Variants in DYNC2I1 observed in about 807,000 individuals in gnomAD.
DYNC2I1 encodes dynein 2 intermediate chain 1, also known as cytoplasmic dynein 2 intermediate chain 1.
In DYNC2I1, 89 loss-of-function variants were observed where a neutral mutation model predicts 133.4. The ratio of observed to expected loss-of-function variants is 0.67; its 90% CI spans 0.56 to 0.80. DYNC2I1 has a LOEUF of 0.80. Among genes scored for constraint, DYNC2I1 ranks in the 30% least tolerant of loss-of-function variants. The pLI is 0.00. For synonymous variants in DYNC2I1, 504 were observed against 484.3 expected (o/e 1.04, Z -0.54); for missense variants, 1,291 against 1,314.5 (o/e 0.98, Z 0.28).
chr7:158,876,563 T>C, intron 3 of DYNC2I1, 46 bp from the exon 4 acceptor site: 2 of 1,513,164 alleles, frequency 1.3e-6, no homozygotes, highest in East Asian at 2.5e-5. Context: ...AGTTTTTTGA[T>C]GTGCTAACAT....
At chr7:158,928,898 G>T (rs118046030) in intron 20 of DYNC2I1, among the ~76,000 whole-genome samples, 1 of 152,238 alleles carries the variant, frequency 6.6e-6, no homozygotes, top group East Asian at 1.9e-4. Flanking sequence ...CATGATCAAG[G>T]TATTTGTCAA....
At chr7:158,876,780 A>C (rs1166964981) in intron 4 of DYNC2I1, 89 bp downstream of exon 4, 1 of 1,445,442 alleles carries the variant, frequency 6.9e-7, no homozygotes, top group African/African-American at 1.5e-5. Context: ...ATTTTTAGAA[A>C]ATGTCCTAAG....
At chr7:158,855,502 T>A (rs1841169451), upstream of DYNC2I1, among the ~76,000 whole-genome samples, 1 of 152,224 alleles carries the variant, frequency 6.6e-6, no homozygotes, top group African/African-American at 2.4e-5. Flanking sequence ...TAATTTCTAA[T>A]CTTGTGGCTA....
In DYNC2I1 at chr7:158,945,488, C is replaced by G; in HGVS notation, c.3003-93C>G. The G allele has an allele frequency of 3.8e-6, 5 of 1,332,622 alleles. No homozygotes were observed. The South Asian group carries it at 5.7e-5, about 15-fold the overall frequency. The allele number at this position is 1,332,622 out of a possible 1,614,324, so 82.5% of individuals were successfully genotyped here. The stretch of plus-strand genomic sequence containing the variant: ...TTTAGAATTTCTCATCCGTTTCACT[C>G]TTCCCATGGAAGGTAGACATTTTGA... On this transcript the variant is annotated intron_variant, in intron 24 of 24. Transcript: ENST00000407559. This position sits in a 1 kb window ranked among gnomAD's most constrained non-coding sequence, Gnocchi z 4.1.
intron 23 of DYNC2I1, among the ~76,000 whole-genome samples, chr7:158,941,148 A>G (rs1248341606): frequency 6.6e-6 from 1 of 152,232 alleles, no homozygotes; most frequent in East Asian, 1.9e-4. Context: ...AGATACAACA[A>G]CTGAGCCCTC....
At chr7:158,952,444 A>G (rs920544489) in intron 4 of DYNC2I1, among the ~76,000 whole-genome samples, 1 of 152,196 alleles carries the variant, frequency 6.6e-6, no homozygotes, top group African/African-American at 2.4e-5. Flanking sequence ...GGGTTAGAGA[A>G]GGCCTCTTCC....
At chr7:158,841,165 AT>A in the DYNC2I1 span, among the ~76,000 whole-genome samples, 1 of 554 alleles carries the variant, frequency 1.8e-3, no homozygotes, top group Non-Finnish European at 4.3e-3. Flanking sequence ...GCAAATATAT[AT>A]ATATATATAT....
intron 20 of DYNC2I1, among the ~76,000 whole-genome samples, chr7:158,929,173 G>A (rs1216321494): frequency 1.3e-5 from 2 of 152,216 alleles, no homozygotes; most frequent in Non-Finnish European, 2.9e-5. Context: ...CGACCAGCCC[G>A]TTGTTCAGGG....
intron 1 of DYNC2I1, among the ~76,000 whole-genome samples, chr7:158,868,489 ACAT>A (rs1842606668): frequency 6.6e-6 from 1 of 152,224 alleles, no homozygotes; most frequent in Non-Finnish European, 1.5e-5. Flanking sequence ...GAAACAACAA[ACAT>A]CAGAGGAGCT....
At position 158,954,965 on chromosome 7, in the gene DYNC2I1, T is replaced by A. The variant is rs1212862949; in HGVS notation, c.*57-1618T>A. ...CTACTGTTAGTGTCTTTAGACAACC[T>A]TCTCCTCCCTCCAGAGAAAGTGCCC... is the stretch of plus-strand genomic sequence containing the variant. On this transcript the variant is annotated intron_variant and NMD_transcript_variant, in intron 4 of 4. Coordinates refer to the DYNC2I1 transcript ENST00000454771. Among the ~76,000 whole-genome samples, 3 of 140,200 alleles carry A rather than the reference T, an allele frequency of 2.1e-5. No individual in the cohort carries two copies. In the East Asian group the frequency reaches 7.3e-4, roughly 34 times the overall value. 92.0% of individuals were successfully genotyped at this position (140,200 alleles called of 152,430 possible).
chr7:158,942,270 G>A, intron 24 of DYNC2I1, 122 bp downstream of exon 24: 4 of 705,088 alleles, frequency 5.7e-6, no homozygotes, highest in Non-Finnish European at 8.9e-6. Flanking sequence ...GTGGCCATAT[G>A]TAAATTTAAA....
At position 158,856,641 on chromosome 7, in the gene DYNC2I1, C is replaced by T. The variant is rs1440989601; in HGVS notation, c.-95C>T. 11 of 1,197,952 alleles carry T rather than the reference C, an allele frequency of 9.2e-6. No homozygotes were observed. The highest frequency in any genetic ancestry group is 1.0e-5 in the Non-Finnish European group (10 of 956,868). The allele number at this position is 1,197,952 out of a possible 1,614,324, so 74.2% of individuals were successfully genotyped here. A position where few individuals can be genotyped will look rare whatever the true frequency, so the allele number is the denominator to read the frequency against. ...TCGGTTGCTAGGCGCTGGGACGCGC[C>T]TCCCGAAGGGTGCGGGGCACAGGTG... On this transcript the variant is annotated 5_prime_UTR_variant, in exon 1 of 25. Transcript: ENST00000407559.
At chr7:158,895,686 A>C (rs904384884) in intron 8 of DYNC2I1, among the ~76,000 whole-genome samples, 11 of 152,146 alleles carry the variant, frequency 7.2e-5, no homozygotes, top group African/African-American at 2.4e-4. Flanking sequence ...TGAAATTTCT[A>C]TTGCGATTGC....
At chr7:158,910,660 G>A (rs71547575) in intron 11 of DYNC2I1, among the ~76,000 whole-genome samples, 4 of 149,980 alleles carry the variant, frequency 2.7e-5, no homozygotes, top group Non-Finnish European at 5.9e-5. Context: ...CAATTGGAGG[G>A]CAATTGGCTG....
intron 21 of DYNC2I1, among the ~76,000 whole-genome samples, chr7:158,932,720 A>C (rs57869519): frequency 1.5e-3 from 231 of 152,274 alleles, no homozygotes; most frequent in African/African-American, 5.3e-3. Context: ...CAGGGAGAGC[A>C]GTTAGGAGGC....
At chr7:158,952,784 G>A (rs12698304) in intron 4 of DYNC2I1, among the ~76,000 whole-genome samples, 17 of 149,910 alleles carry the variant, frequency 1.1e-4, no homozygotes, top group South Asian at 8.5e-4. Flanking sequence ...CAGCCGCGTC[G>A]TAAGACAGAA....
intron 1 of DYNC2I1, among the ~76,000 whole-genome samples, chr7:158,860,130 A>G (rs952272921): frequency 6.7e-6 from 1 of 149,896 alleles, no homozygotes; most frequent in Non-Finnish European, 1.5e-5. Context: ...ATCTCAGCTC[A>G]CTCCATTCTC....
rs541415448 is a variant in DYNC2I1, at chr7:158,945,089, C to T, written c.3003-492C>T. Among the ~76,000 whole-genome samples, 3 of 152,156 alleles carry T rather than the reference C, an allele frequency of 2.0e-5. No homozygotes were observed. The highest frequency in any genetic ancestry group is 2.1e-4 in the South Asian group (1 of 4,810). ...TGAGATCGGGGAGACAGGGTGGCCA[C>T]AGGTCTCGTGTTGGGCACTGGGTGG... On this transcript the variant is annotated intron_variant, in intron 24 of 24. Coordinates refer to ENST00000407559, the MANE Select transcript of DYNC2I1 (RefSeq NM_018051.5). The surrounding 1 kb of genome is among the most constrained non-coding windows in gnomAD (Gnocchi z 4.1).
chr7:158,841,188 TATATATATATATATATATATATATA>T, the DYNC2I1 span, among the ~76,000 whole-genome samples: 7 of 70,338 alleles, frequency 1.0e-4, no homozygotes, highest in African/African-American at 4.1e-4. Flanking sequence ...TATATATATA[TATATATATATATATATATATATATA>T]TATATATATT....
Sources: gnomAD v4.1 joint callset for allele counts (sites outside exome capture counted in the v4.1 genomes callset) on GRCh38, gnomAD v4.1.1 for gene constraint, Gnocchi (gnomAD v3.1) non-coding constraint, MANE v1.5 for transcripts, NCBI Gene and HGNC (gene_info 2026-07-23, HGNC 2026-07-21) for gene names.